The following SRP9 variants were observed in gnomAD, a reference collection of about 807,000 sequenced individuals.
SRP9 encodes signal recognition particle 9.
Under a neutral mutation model 11.7 loss-of-function variants are expected in SRP9, and 2 were observed. That is an observed-to-expected ratio of 0.17 (90% confidence interval 0.07 to 0.54). SRP9 has a LOEUF of 0.54. Ranked by LOEUF, SRP9 falls within the 20% of genes least tolerant of loss-of-function variation. The probability of loss-of-function intolerance (pLI) is 0.94; values close to 1 mark genes in which losing one functional copy is unlikely to be tolerated. For missense variants in SRP9, 54 were observed against 108.1 expected, an observed-to-expected ratio of 0.50 and a Z score of 2.22; for synonymous variants, 27 against 35.6, an observed-to-expected ratio of 0.76 and a Z score of 0.86.
At chr1:225,785,059 G>C (rs1265125105) in intron 2 of SRP9, among the ~76,000 whole-genome samples, 2 of 151,648 alleles carry the variant, frequency 1.3e-5, no homozygotes, top group African/African-American at 4.8e-5. Flanking sequence ...ACACACATGG[G>C]CCACAGTGCA....
chr1:225,786,824 TGTTGATTG>T, intron 2 of SRP9: 1 of 1,264,666 alleles, frequency 7.9e-7, no homozygotes, highest in South Asian at 1.3e-5. Flanking sequence ...TTCTTTTGTT[TGTTGATTG>T]GTTGGTTGAT....
chr1:225,789,120 A>G, intron 2 of SRP9, 120 bp from the exon 3 acceptor site: 1 of 1,551,608 alleles, frequency 6.4e-7, no homozygotes, highest in Non-Finnish European at 8.7e-7. Context: ...ACGACCTCCA[A>G]GGAGAATAGA....
intron 2 of SRP9, among the ~76,000 whole-genome samples, chr1:225,784,971 T>C (rs1665875612): frequency 6.6e-6 from 1 of 152,130 alleles, no homozygotes; most frequent in African/African-American, 2.4e-5. Context: ...AGACAGGATA[T>C]CGCTATGTTG....
At chr1:225,788,440 G>A (rs966198770) in intron 2 of SRP9, among the ~76,000 whole-genome samples, 1 of 144,626 alleles carries the variant, frequency 6.9e-6, no homozygotes, top group African/African-American at 2.5e-5. Flanking sequence ...TTTTTGAGAC[G>A]GAATCTCACT....
At chr1:225,784,226 G>GTTTTTT (rs1665852659) in intron 2 of SRP9, among the ~76,000 whole-genome samples, 1 of 42,558 alleles carries the variant, frequency 2.3e-5, no homozygotes, top group Non-Finnish European at 4.5e-5. Context: ...TTTATCACCT[G>GTTTTTT]TTCTTTTTTT....
chr1:225,783,809 T>A (rs1665843380), intron 2 of SRP9, among the ~76,000 whole-genome samples: 1 of 152,238 alleles, frequency 6.6e-6, no homozygotes, highest in Admixed American at 6.5e-5. Flanking sequence ...CTGCTCTTTG[T>A]GAGAGCACAT....
intron 2 of SRP9, chr1:225,788,894 G>A: frequency 1.9e-6 from 2 of 1,045,960 alleles, no homozygotes; most frequent in Non-Finnish European, 2.7e-6. Context: ...AATATGTAGG[G>A]AGATAATCTA....
At chr1:225,786,738 G>C in intron 2 of SRP9, 2 of 1,148,906 alleles carry the variant, frequency 1.7e-6, no homozygotes, top group South Asian at 3.1e-5. Flanking sequence ...CATCTGTAAA[G>C]TATCATAGTG....
intron 1 of SRP9, 137 bp downstream of exon 1, chr1:225,778,149 TCTG>T: frequency 1.0e-6 from 1 of 968,590 alleles, no homozygotes; most frequent in Non-Finnish European, 1.5e-6. Context: ...AAGTTAATGT[TCTG>T]CTCTCTCGTC....
In SRP9 at chr1:225,789,577, A is replaced by G. The variant is rs1445494977; in HGVS notation, c.*218A>G. The G allele has an allele frequency of 1.3e-5, 5 of 385,328 alleles. No homozygotes were observed. Among genetic ancestry groups the G allele is most frequent in the Non-Finnish European group, 2.3e-5 (5 of 212,928 alleles). The allele number at this position is 385,328 out of a possible 1,614,324, so 23.9% of individuals were successfully genotyped here. ...TTTACTTTTGGAAATTGAACAAGAA[A>G]TGCATCTGTCTTAGAAACTGGAGAT... On this transcript the variant is annotated 3_prime_UTR_variant, in exon 3 of 3. Transcript: ENST00000304786.
intron 1 of SRP9, among the ~76,000 whole-genome samples, chr1:225,781,987 T>G (rs1244517413): frequency 1.3e-5 from 2 of 152,102 alleles, no homozygotes; most frequent in African/African-American, 4.8e-5. Context: ...ACTTTTTTTT[T>G]TCAGTCTCAG....
In SRP9 at chr1:225,777,846, G is replaced by A. The variant is rs1665711355; in HGVS notation, c.-95G>A. On this transcript the variant is annotated 5_prime_UTR_variant, in exon 1 of 3. Transcript: ENST00000304786. ...GAGGCGCCGCCATCTTGGGGCTGCTGGGACTCGCGTCGGTTGGCGACTCCC... is the reference window on the plus strand; with the variant it reads ...GAGGCGCCGCCATCTTGGGGCTGCTAGGACTCGCGTCGGTTGGCGACTCCC... 6 of 1,256,248 alleles carry A rather than the reference G, an allele frequency of 4.8e-6. No individual in the cohort carries two copies. In the South Asian group the frequency reaches 6.4e-5, roughly 13 times the overall value. The allele number at this position is 1,256,248 out of a possible 1,614,324, so 77.8% of individuals were successfully genotyped here.
At chr1:225,786,810 T>G (rs756018857) in intron 2 of SRP9, 132 of 1,261,208 alleles carry the variant, frequency 1.0e-4, no homozygotes, top group South Asian at 4.0e-4. Context: ...ATTGAGTACA[T>G]GTATTCTTTT....
At chr1:225,785,133 C>T (rs894014470) in intron 2 of SRP9, among the ~76,000 whole-genome samples, 12 of 151,358 alleles carry the variant, frequency 7.9e-5, no homozygotes, top group Non-Finnish European at 1.3e-4. Flanking sequence ...GTGCAGTGGG[C>T]GATCTCTGCT....
intron 1 of SRP9, among the ~76,000 whole-genome samples, chr1:225,780,966 A>G (rs1665782503): frequency 6.6e-6 from 1 of 152,220 alleles, no homozygotes; most frequent in Admixed American, 6.5e-5. Context: ...TGGCTCTTTG[A>G]TAACTGGATA....
At chr1:225,788,741 G>A (rs1204947740) in intron 2 of SRP9, among the ~76,000 whole-genome samples, 2 of 152,168 alleles carry the variant, frequency 1.3e-5, no homozygotes, top group Admixed American at 1.3e-4. Context: ...CCTGGTTTAT[G>A]TGTTGACCAG....
intron 2 of SRP9, among the ~76,000 whole-genome samples, chr1:225,785,741 G>A (rs1281050477): frequency 6.7e-6 from 1 of 148,394 alleles, no homozygotes; most frequent in Non-Finnish European, 1.5e-5. Context: ...GGAGTGCAAT[G>A]GTTCATTCTT....
At chr1:225,788,226 C>A (rs1457456472) in intron 2 of SRP9, among the ~76,000 whole-genome samples, 1 of 151,920 alleles carries the variant, frequency 6.6e-6, no homozygotes, top group East Asian at 1.9e-4. Flanking sequence ...GAAACCCCGT[C>A]TCTACTAAAA....
intron 2 of SRP9, 174 bp from the exon 3 acceptor site, chr1:225,789,066 T>G: frequency 1.9e-6 from 3 of 1,551,108 alleles, no homozygotes; most frequent in Non-Finnish European, 2.6e-6. Context: ...CTTTAAGACA[T>G]GGAATTGCTG....
Sources: gnomAD v4.1 joint callset for allele counts (sites outside exome capture counted in the v4.1 genomes callset) on GRCh38, gnomAD v4.1.1 for gene constraint, MANE v1.5 for transcripts, NCBI Gene and HGNC (gene_info 2026-07-23, HGNC 2026-07-21) for gene names.